ZNRF3: variants seen among roughly 807,000 people sequenced by gnomAD.
ZNRF3 encodes the protein zinc and ring finger 3.
Under a neutral mutation model 72.5 loss-of-function variants are expected in ZNRF3, and 23 were observed. That is an observed-to-expected ratio of 0.32 (90% confidence interval 0.23 to 0.45). The LOEUF (loss-of-function observed/expected upper bound fraction) is 0.45, where lower values mean the gene tolerates loss of function less well. ZNRF3 is among the 20% of genes least tolerant of loss of function. The pLI is 1.00. For synonymous variants in ZNRF3, 610 were observed against 545.3 expected (o/e 1.12, Z -1.65); for missense variants, 1,169 against 1,272.1 (o/e 0.92, Z 1.23).
intron 2 of ZNRF3, among the ~76,000 whole-genome samples, chr22:29,021,899 T>G (rs1489014959): frequency 1.3e-5 from 2 of 151,790 alleles, no homozygotes; most frequent in Admixed American, 1.3e-4. Flanking sequence ...CACACACACA[T>G]GCACACACAC....
At chr22:28,973,259 T>C (rs200844980) in intron 1 of ZNRF3, among the ~76,000 whole-genome samples, 1 of 152,162 alleles carries the variant, frequency 6.6e-6, no homozygotes, top group Admixed American at 6.6e-5. Context: ...GGATTACAGG[T>C]GTGAGCCATG....
At chr22:29,002,007 TTCC>T (rs2036157599) in intron 2 of ZNRF3, among the ~76,000 whole-genome samples, 1 of 152,204 alleles carries the variant, frequency 6.6e-6, no homozygotes, top group Non-Finnish European at 1.5e-5. Flanking sequence ...TCTAGAAGTG[TTCC>T]TCTCTCTTCA....
chr22:28,930,477 G>A (rs1282910621), intron 1 of ZNRF3, among the ~76,000 whole-genome samples: 1 of 152,210 alleles, frequency 6.6e-6, no homozygotes, highest in Non-Finnish European at 1.5e-5. Flanking sequence ...CGATTTGAGA[G>A]TTGGAAGATT....
chr22:28,889,497 T>G (rs1482784709), intron 1 of ZNRF3, among the ~76,000 whole-genome samples: 1 of 152,276 alleles, frequency 6.6e-6, no homozygotes, highest in African/African-American at 2.4e-5. Flanking sequence ...TTGAACATAT[T>G]TATTTTGTAG....
chr22:28,909,881 C>A (rs974946489), intron 1 of ZNRF3, among the ~76,000 whole-genome samples: 3 of 151,636 alleles, frequency 2.0e-5, no homozygotes, highest in African/African-American at 7.3e-5. Flanking sequence ...GTGTGAGCCA[C>A]CATGGCTGGT....
intron 1 of ZNRF3, among the ~76,000 whole-genome samples, chr22:28,898,913 T>C (rs1320780185): frequency 1.3e-5 from 2 of 151,334 alleles, no homozygotes; most frequent in Non-Finnish European, 2.9e-5. Flanking sequence ...TCTGTATAAG[T>C]TGACATGCTG....
intron 1 of ZNRF3, among the ~76,000 whole-genome samples, chr22:28,912,097 C>G (rs2034329142): frequency 6.6e-6 from 1 of 152,324 alleles, no homozygotes; most frequent in Admixed American, 6.5e-5. Flanking sequence ...CAAACACTTT[C>G]CACAGGAACT....
chr22:29,032,249 T>C (rs2036776314), intron 2 of ZNRF3, among the ~76,000 whole-genome samples: 1 of 152,208 alleles, frequency 6.6e-6, no homozygotes, highest in Admixed American at 6.5e-5. Flanking sequence ...AGGGTAGTCA[T>C]CTGGCCAGCT....
chr22:29,053,572 T>C lies in ZNRF3; in HGVS notation c.2768-7T>C. ...CTCCCCTGATGATTGTTCTCTCTCT[T>C]TCCCAGGACCGAGATCTCACTCAGC... On this transcript the variant is annotated splice_polypyrimidine_tract_variant and splice_region_variant and intron_variant, in intron 8 of 8. Coordinates refer to ENST00000544604, the MANE Select transcript of ZNRF3 (RefSeq NM_001206998.2). 3 of 1,611,132 alleles carry C rather than the reference T, an allele frequency of 1.9e-6. No homozygotes were observed. The highest frequency in any genetic ancestry group is 2.5e-6 in the Non-Finnish European group (3 of 1,178,714).
At chr22:28,977,340 G>T (rs997915213) in intron 1 of ZNRF3, among the ~76,000 whole-genome samples, 2 of 152,110 alleles carry the variant, frequency 1.3e-5, no homozygotes, top group Non-Finnish European at 2.9e-5. Context: ...AATTATTCAG[G>T]TTCTGTTTGA....
intron 1 of ZNRF3, among the ~76,000 whole-genome samples, chr22:28,930,866 G>A (rs1296682055): frequency 1.3e-5 from 2 of 152,194 alleles, no homozygotes; most frequent in South Asian, 4.1e-4. Flanking sequence ...ACAGCTTTGG[G>A]CTCCTGCCAT....
chr22:28,902,452 G>C (rs1281880441), intron 1 of ZNRF3, among the ~76,000 whole-genome samples: 2 of 151,794 alleles, frequency 1.3e-5, no homozygotes, highest in East Asian at 3.9e-4. Flanking sequence ...GTGTGATCTT[G>C]GTTCGCTACG....
rs184062934 is a variant in ZNRF3, at chr22:29,044,338, T to C, written c.634-442T>C. On this transcript the variant is annotated intron_variant, in intron 4 of 8. Transcript: ENST00000544604. ...AAATATGACTCATTGTAGTGGAAGCTGATATTTGTGGAAGCAGCATACAAT... is the reference window on the plus strand; with the variant it reads ...AAATATGACTCATTGTAGTGGAAGCCGATATTTGTGGAAGCAGCATACAAT... 1.3e-3 allele frequency among the ~76,000 whole-genome samples: 197 copies of C among 152,276 alleles called. 1 individual carries two copies. The highest frequency in any genetic ancestry group is 1.8e-3 in the Admixed American group (27 of 15,298).
chr22:28,905,232 T>C (rs1302387687), intron 1 of ZNRF3, among the ~76,000 whole-genome samples: 1 of 152,196 alleles, frequency 6.6e-6, no homozygotes, highest in Non-Finnish European at 1.5e-5. Flanking sequence ...CCACCTCACC[T>C]GGCCTTGAAT....
At chr22:28,901,327 A>G (rs1475774386) in intron 1 of ZNRF3, among the ~76,000 whole-genome samples, 1 of 152,142 alleles carries the variant, frequency 6.6e-6, no homozygotes, top group Admixed American at 6.5e-5. Context: ...GCCAACGCCC[A>G]GAAGGCACTC....
intron 2 of ZNRF3, among the ~76,000 whole-genome samples, chr22:29,028,226 T>C (rs1390837631): frequency 6.6e-6 from 1 of 152,192 alleles, no homozygotes; most frequent in African/African-American, 2.4e-5. Context: ...GAAATAGTCT[T>C]TGACTAAATA....
Position 29,046,888 on chromosome 22 carries a change from T to C in ZNRF3, c.912+5T>C. 7.7e-6 allele frequency: 12 copies of C among 1,551,710 alleles called. No homozygotes were observed. Among genetic ancestry groups the C allele is most frequent in the Non-Finnish European group, 1.0e-5 (12 of 1,143,914 alleles). On this transcript the variant is annotated splice_donor_5th_base_variant and intron_variant, in intron 6 of 8. Coordinates refer to ENST00000544604, the MANE Select transcript of ZNRF3 (RefSeq NM_001206998.2). ...GAGAAGTACATTGATGGAGAGGTAA[T>C]GGCAGAAGCAGGCCCGTCCTGGGTG...
At chr22:28,983,057 A>G (rs911365509) in intron 1 of ZNRF3, among the ~76,000 whole-genome samples, 1 of 152,194 alleles carries the variant, frequency 6.6e-6, no homozygotes, top group Non-Finnish European at 1.5e-5. Context: ...ATGTGATCTC[A>G]GTGGCTTCTT....
intron 2 of ZNRF3, among the ~76,000 whole-genome samples, chr22:29,005,469 C>G (rs2036224582): frequency 6.6e-6 from 1 of 152,192 alleles, no homozygotes; most frequent in Non-Finnish European, 1.5e-5. Context: ...GCCTAAGCCC[C>G]TTGTAGGAAA....
Sources: allele counts gnomAD v4.1 joint callset (sites outside exome capture counted in the v4.1 genomes callset), GRCh38; gene constraint gnomAD v4.1.1; transcripts MANE v1.5; gene names NCBI Gene and HGNC (gene_info 2026-07-23, HGNC 2026-07-21).